MAD1L1: variants seen among roughly 807,000 people sequenced by gnomAD.
MAD1L1 encodes mitotic arrest deficient 1 like 1, also known as mitotic spindle assembly checkpoint protein MAD1.
MAD1L1 carries 95 observed loss-of-function variants against 96.9 expected under a neutral mutation model. The observed-to-expected ratio is 0.98, with a 90% CI of 0.83 to 1.16. The LOEUF is 1.16. Among genes scored for constraint, MAD1L1 ranks in the 50% most tolerant of loss-of-function variants. MAD1L1 has a pLI of 0.00. For missense variants in MAD1L1, 1,007 were observed against 954.4 expected, an observed-to-expected ratio of 1.06 and a Z score of -0.73; for synonymous variants, 473 against 396.6, an observed-to-expected ratio of 1.19 and a Z score of -2.29.
At chr7:1,841,101 G>A (rs1000739627) in intron 18 of MAD1L1, among the ~76,000 whole-genome samples, 5 of 152,320 alleles carry the variant, frequency 3.3e-5, no homozygotes, top group South Asian at 2.1e-4. Context: ...GGGCAGGTGC[G>A]GCTCTGGGGG....
At position 1,908,853 on chromosome 7, in the gene MAD1L1, A is replaced by T. The variant is rs10281248; in HGVS notation, c.1808-10463T>A. On this transcript the variant is annotated intron_variant, in intron 17 of 18. Transcript: ENST00000265854. ...GCATTTCTCTCATGACCCCCACCACACGGCCTGGCTCCCCCAAGTGTCTAT... is the reference window on the plus strand; with the variant it reads ...GCATTTCTCTCATGACCCCCACCACTCGGCCTGGCTCCCCCAAGTGTCTAT... 9.7e-4 allele frequency among the ~76,000 whole-genome samples: 147 copies of T among 151,826 alleles called. 1 individual carries two copies. Among genetic ancestry groups the T allele is most frequent in the African/African-American group, 3.3e-3 (136 of 41,402 alleles).
chr7:2,081,226 G>A (rs1319618430), intron 11 of MAD1L1, among the ~76,000 whole-genome samples: 5 of 152,092 alleles, frequency 3.3e-5, no homozygotes, highest in Admixed American at 6.5e-5. Flanking sequence ...GCTCTGAGCC[G>A]GTGGTGGAAA....
At chr7:2,014,479 G>A in intron 13 of MAD1L1, 23 bp downstream of exon 13, 1 of 1,539,382 alleles carries the variant, frequency 6.5e-7, no homozygotes, top group Non-Finnish European at 8.7e-7. Flanking sequence ...GGCGACGTGA[G>A]CCCCACGCCC....
intron 18 of MAD1L1, among the ~76,000 whole-genome samples, chr7:1,864,172 C>T (rs1583590026): frequency 1.3e-5 from 2 of 152,308 alleles, no homozygotes; most frequent in Admixed American, 1.3e-4. Flanking sequence ...ACAAAGACCC[C>T]GGGCCAGGGT....
At chr7:2,195,886 A>G (rs1637744) in intron 10 of MAD1L1, among the ~76,000 whole-genome samples, 143,348 of 152,360 alleles carry the variant, frequency 0.94, 67,527 homozygotes, top group East Asian at 1. Context: ...AGGTCTGAAA[A>G]AGAAGCTATC....
At chr7:2,126,918 A>G (rs1788259624) in intron 11 of MAD1L1, among the ~76,000 whole-genome samples, 3 of 152,182 alleles carry the variant, frequency 2.0e-5, no homozygotes, top group Admixed American at 2.0e-4. Flanking sequence ...CAATGCTTCT[A>G]TGTATCCAGT....
At chr7:1,988,783 T>G (rs772478859) in intron 14 of MAD1L1, among the ~76,000 whole-genome samples, 1 of 152,128 alleles carries the variant, frequency 6.6e-6, no homozygotes, top group African/African-American at 2.4e-5. Flanking sequence ...CTGCGTGTGC[T>G]CCGGGCAGTC....
chr7:1,958,592 G>C (rs1779826161), intron 15 of MAD1L1, among the ~76,000 whole-genome samples: 1 of 152,150 alleles, frequency 6.6e-6, no homozygotes, highest in South Asian at 2.1e-4. Flanking sequence ...AAAAGATCAA[G>C]AAGATTGATA....
chr7:2,034,255 C>G (rs1464288716), intron 12 of MAD1L1, among the ~76,000 whole-genome samples: 1 of 148,368 alleles, frequency 6.7e-6, no homozygotes, highest in African/African-American at 2.5e-5. Context: ...GTCTCGCTGT[C>G]GCCCAGGCTG....
intron 12 of MAD1L1, among the ~76,000 whole-genome samples, chr7:2,020,508 A>G (rs571504653): frequency 6.6e-6 from 1 of 152,306 alleles, no homozygotes; most frequent in East Asian, 1.9e-4. Context: ...CCCTGACATC[A>G]TGGGAACAAG....
intron 10 of MAD1L1, among the ~76,000 whole-genome samples, chr7:2,155,482 C>T (rs1335387621): frequency 6.6e-6 from 1 of 152,194 alleles, no homozygotes; most frequent in Non-Finnish European, 1.5e-5. Context: ...AGCCCCTCTG[C>T]TCCCAGCCCC....
At chr7:2,118,899 AC>A (rs1787846099) in intron 11 of MAD1L1, among the ~76,000 whole-genome samples, 2 of 152,168 alleles carry the variant, frequency 1.3e-5, no homozygotes, top group East Asian at 3.9e-4. Context: ...AGGAGAAGCC[AC>A]CCCGCGATTG....
At chr7:2,195,164 G>C (rs1791923029) in intron 10 of MAD1L1, among the ~76,000 whole-genome samples, 1 of 151,838 alleles carries the variant, frequency 6.6e-6, no homozygotes, top group African/African-American at 2.4e-5. Flanking sequence ...GACCCCTACT[G>C]GGTTATCTAT....
chr7:2,120,862 G>A (rs1014414426), intron 11 of MAD1L1, among the ~76,000 whole-genome samples: 5 of 152,220 alleles, frequency 3.3e-5, no homozygotes, highest in Non-Finnish European at 7.3e-5. Flanking sequence ...GCAGGGATCA[G>A]AAAAGGATCC....
At chr7:2,221,279 C>T (rs978016297) in intron 5 of MAD1L1, among the ~76,000 whole-genome samples, 3 of 152,190 alleles carry the variant, frequency 2.0e-5, no homozygotes, top group African/African-American at 4.8e-5. Flanking sequence ...GGACAGCCCC[C>T]GGCCCAACTC....
At chr7:1,858,942 C>A (rs1183971121) in intron 18 of MAD1L1, among the ~76,000 whole-genome samples, 3 of 152,208 alleles carry the variant, frequency 2.0e-5, no homozygotes, top group African/African-American at 7.2e-5. Context: ...TGGACCACCA[C>A]GCCTTTCCAC....
In MAD1L1 at chr7:2,213,224, C is replaced by T; in HGVS notation, c.974G>A (p.Gly325Asp). The T allele has an allele frequency of 2.5e-6, 4 of 1,614,170 alleles. No individual in the cohort carries two copies. The highest frequency in any genetic ancestry group is 2.2e-5 in the East Asian group (1 of 44,890). The change falls in exon 10 of 19, where the codon GGC (glycine) becomes GAC (aspartate). Residue 325 changes from glycine (G) to aspartate (D), a missense_variant. Gly to Asp is a moderately conservative substitution (Grantham distance 94). Coordinates refer to ENST00000265854, the MANE Select transcript of MAD1L1 (RefSeq NM_001013836.2). ...TGCCCTTCCCTACCTGATGCTCAGGCCCATGGTCTGGTCCAGTCTCTCCCA... is the reference window on the plus strand; with the variant it reads ...TGCCCTTCCCTACCTGATGCTCAGGTCCATGGTCTGGTCCAGTCTCTCCCA... ...QSWERLDQTM[G>D]LSIRTPEDLS...
intron 17 of MAD1L1, among the ~76,000 whole-genome samples, chr7:1,916,213 A>C (rs1658678420): frequency 6.6e-6 from 1 of 152,144 alleles, no homozygotes; most frequent in African/African-American, 2.4e-5. Context: ...CCGCCTCGGA[A>C]ACCGTAAGGC....
At chr7:2,079,951 C>G in intron 11 of MAD1L1, 2 of 361,094 alleles carry the variant, frequency 5.5e-6, no homozygotes, top group South Asian at 4.2e-5. Flanking sequence ...AGAGGCACAG[C>G]AGGTGTCCTG....
Sources: allele counts gnomAD v4.1 joint callset (sites outside exome capture counted in the v4.1 genomes callset), GRCh38; gene constraint gnomAD v4.1.1; transcripts MANE v1.5; gene names NCBI Gene and HGNC (gene_info 2026-07-23, HGNC 2026-07-21).